The following PTGDR variants were observed in gnomAD, a reference collection of about 807,000 sequenced individuals.
PTGDR encodes PGD2 receptor.
Under a neutral mutation model 17.4 loss-of-function variants are expected in PTGDR, and 19 were observed. The observed-to-expected ratio is 1.09, with a 90% CI of 0.76 to 1.60. The LOEUF (loss-of-function observed/expected upper bound fraction) is 1.60. Among genes scored for constraint, PTGDR ranks in the 40% most tolerant of loss-of-function variants. The pLI is 0.00. For missense variants in PTGDR, 526 were observed against 481.9 expected (o/e 1.09, Z -0.86); for synonymous variants, 267 against 224.2 (o/e 1.19, Z -1.71).
chr14:52,269,663 G>A, intron 1 of PTGDR: 1 of 826,580 alleles, frequency 1.2e-6, no homozygotes, highest in Non-Finnish European at 1.8e-6. Flanking sequence ...AGCCATTTTG[G>A]ATATTACTTT....
chr14:52,277,638 G>A (rs1256716073), downstream of PTGDR, among the ~76,000 whole-genome samples: 1 of 152,134 alleles, frequency 6.6e-6, no homozygotes, highest in African/African-American at 2.4e-5. Flanking sequence ...TGTTGTTCCA[G>A]TAATTCCACT....
intron 1 of PTGDR, among the ~76,000 whole-genome samples, chr14:52,270,496 CTG>C (rs2033304822): frequency 1.3e-5 from 2 of 152,124 alleles, no homozygotes; most frequent in Admixed American, 6.5e-5. Flanking sequence ...TGAGCCAAGA[CTG>C]TGTCACTGCA....
downstream of PTGDR, among the ~76,000 whole-genome samples, chr14:52,277,493 C>A (rs529623410): frequency 1.9e-4 from 29 of 152,208 alleles, 1 homozygote; most frequent in Middle Eastern, 6.8e-3. Context: ...ACAACAACAA[C>A]AAAAAACCTA....
At chr14:52,278,530 T>G (rs2033455950), downstream of PTGDR, among the ~76,000 whole-genome samples, 1 of 152,086 alleles carries the variant, frequency 6.6e-6, no homozygotes, top group African/African-American at 2.4e-5. Flanking sequence ...GACGAGTTAA[T>G]GGGTGCAGCA....
In PTGDR at chr14:52,275,039, A is replaced by G. The variant is rs1229172534; in HGVS notation, c.*75A>G. On this transcript the variant is annotated 3_prime_UTR_variant, in exon 2 of 2. Coordinates refer to ENST00000306051, the MANE Select transcript of PTGDR (RefSeq NM_000953.3). ...CAAAGAACCATGATTAAAAAAAAAA[A>G]GACAACTTACAATTTAAATCCTTAA... is the stretch of plus-strand genomic sequence containing the variant. The G allele has an allele frequency of 8.6e-7, 1 of 1,157,084 alleles. No homozygotes were observed. The highest frequency in any genetic ancestry group is 1.2e-6 in the Non-Finnish European group (1 of 824,868). The allele number at this position is 1,157,084 out of a possible 1,614,324, so 71.7% of individuals were successfully genotyped here.
chr14:52,267,797 C>T lies in PTGDR; in HGVS notation c.-18C>T, dbSNP rs1266237898. ...GCCCTTCCGCAGCCTTCACTCCAGC[C>T]CTCTGCTCCCGCACGCCATGAAGTC... On this transcript the variant is annotated 5_prime_UTR_variant, in exon 1 of 2. Coordinates refer to ENST00000306051, the MANE Select transcript of PTGDR (RefSeq NM_000953.3). The T allele has an allele frequency of 1.9e-6, 3 of 1,540,958 alleles. No individual in the cohort carries two copies. The highest frequency in any genetic ancestry group is 2.6e-6 in the Non-Finnish European group (3 of 1,143,740).
chr14:52,267,963 C>G lies in PTGDR; in HGVS notation c.149C>G (p.Ser50Trp). 2 of 1,609,358 alleles carry G rather than the reference C, an allele frequency of 1.2e-6. No homozygotes were observed. Among genetic ancestry groups the G allele is most frequent in the Non-Finnish European group, 1.7e-6 (2 of 1,179,672 alleles). The change falls in exon 1 of 2, where the codon TCG becomes TGG. Residue 50 changes from serine to tryptophan, a missense_variant. Transcript: ENST00000306051. The part of the protein sequence containing the change: ...LLARSGLGWC[S>W]RRPLRPLPSV... ...GCGCGCTCGGGGCTGGGGTGGTGCT[C>G]GCGGCGTCCACTGCGCCCGCTGCCC... is the stretch of plus-strand genomic sequence containing the variant.
intron 1 of PTGDR, chr14:52,269,586 A>G: frequency 1.4e-6 from 2 of 1,421,632 alleles, no homozygotes; most frequent in South Asian, 1.3e-5. Context: ...TCCATTGCCA[A>G]TCCCACGTTC....
At position 52,275,766 on chromosome 14, in the gene PTGDR, A is replaced by G. The variant is rs200473531; in HGVS notation, c.*802A>G. On this transcript the variant is annotated 3_prime_UTR_variant, in exon 2 of 2. Transcript: ENST00000306051. ...TCAGTTTTTAGAACCTCCATTTTAT[A>G]AAAGAATTATCCTATCAATGGATTC... is the stretch of plus-strand genomic sequence containing the variant. 42 of 152,776 alleles carry G rather than the reference A, an allele frequency of 2.7e-4. No individual in the cohort carries two copies. Among genetic ancestry groups the G allele is most frequent in the African/African-American group, 8.4e-4 (35 of 41,572 alleles). 9.5% of individuals were successfully genotyped at this position (152,776 alleles called of 1,614,324 possible).
chr14:52,274,771 A>C lies in PTGDR; in HGVS notation c.887A>C (p.Lys296Thr), dbSNP rs2033388620. Residue 296 changes from lysine to threonine, a missense_variant, in exon 2 of 2, where the codon AAA becomes ACA. By Grantham distance (78) the Lys-to-Thr change is moderately conservative. Transcript: ENST00000306051. The part of the protein sequence containing the change: ...YYGAFKDVKE[K>T]NRTSEEAEDL... ...GGAGCATTTAAGGATGTCAAGGAGA[A>C]AAACAGGACCTCTGAAGAAGCAGAA... is the stretch of plus-strand genomic sequence containing the variant. 16 of 1,613,766 alleles carry C rather than the reference A, an allele frequency of 9.9e-6. No individual in the cohort carries two copies. Among genetic ancestry groups the C allele is most frequent in the Non-Finnish European group, 1.3e-5 (15 of 1,179,614 alleles).
At position 52,268,346 on chromosome 14, in the gene PTGDR, T is replaced by TA; in HGVS notation, c.532_533insA (p.Cys178Ter). 1 of 1,613,558 alleles carries TA rather than the reference T, an allele frequency of 6.2e-7. No homozygotes were observed. Among genetic ancestry groups the TA allele is most frequent in the African/African-American group, 1.3e-5 (1 of 75,070 alleles). Residue 178 changes from cysteine to a stop codon, truncating the protein, a stop_gained and frameshift_variant, in exon 1 of 2, where the codon TGC (cysteine) becomes TAGC (stop). Coordinates refer to ENST00000306051, the MANE Select transcript of PTGDR (RefSeq NM_000953.3). LOFTEE classifies it high-confidence loss of function. ...GGGCTTCGGGAAGTTCGTGCAGTAC[T>TA]GCCCCGGCACCTGGTGCTTTATCCA... ...FMGFGKFVQY[C>*]PGTWCFIQMV...
intron 1 of PTGDR, among the ~76,000 whole-genome samples, chr14:52,274,370 G>T (rs1425607191): frequency 6.6e-6 from 1 of 152,212 alleles, no homozygotes; most frequent in Non-Finnish European, 1.5e-5. Flanking sequence ...GCTAGAAAGA[G>T]ATTCTGTATT....
intron 1 of PTGDR, chr14:52,269,656 C>T (rs116911970): frequency 5.7e-6 from 5 of 870,978 alleles, no homozygotes; most frequent in East Asian, 2.7e-5. Flanking sequence ...AGAATGTAGC[C>T]ATTTTGGATA....
At chr14:52,271,053 TTCA>T (rs1406789545) in intron 1 of PTGDR, among the ~76,000 whole-genome samples, 5 of 152,248 alleles carry the variant, frequency 3.3e-5, no homozygotes, top group African/African-American at 1.2e-4. Flanking sequence ...TGAATCAGGC[TTCA>T]TCACTTACTA....
chr14:52,270,139 T>C (rs191550144), intron 1 of PTGDR, among the ~76,000 whole-genome samples: 1 of 152,302 alleles, frequency 6.6e-6, no homozygotes, highest in Admixed American at 6.5e-5. Context: ...ATCTCTGCAA[T>C]CAATTTGATG....
chr14:52,275,039 AG>A lies in PTGDR; in HGVS notation c.*76del. 2.6e-6 allele frequency: 3 copies of A among 1,157,200 alleles called. No homozygotes were observed. The highest frequency in any genetic ancestry group is 3.6e-6 in the Non-Finnish European group (3 of 824,860). 71.7% of individuals were successfully genotyped at this position (1,157,200 alleles called of 1,614,324 possible). A position where few individuals can be genotyped will look rare whatever the true frequency, so the allele number is the denominator to read the frequency against. ...CAAAGAACCATGATTAAAAAAAAAAAGACAACTTACAATTTAAATCCTTAAA... is the reference window on the plus strand; with the variant it reads ...CAAAGAACCATGATTAAAAAAAAAAAACAACTTACAATTTAAATCCTTAAA... On this transcript the variant is annotated 3_prime_UTR_variant, in exon 2 of 2. Coordinates refer to ENST00000306051, the MANE Select transcript of PTGDR (RefSeq NM_000953.3).
intron 1 of PTGDR, among the ~76,000 whole-genome samples, chr14:52,272,685 C>G (rs1044353295): frequency 6.6e-6 from 1 of 152,150 alleles, no homozygotes; most frequent in Non-Finnish European, 1.5e-5. Context: ...TGCTCTATCC[C>G]TTTAAATCTA....
chr14:52,279,390 C>A (rs371619839), downstream of PTGDR, among the ~76,000 whole-genome samples: 4 of 152,254 alleles, frequency 2.6e-5, no homozygotes, highest in African/African-American at 9.6e-5. Context: ...AATAGCAACT[C>A]GTACATGATG....
chr14:52,267,861 A>C lies in PTGDR; in HGVS notation c.47A>C (p.Lys16Thr). The C allele has an allele frequency of 6.3e-7, 1 of 1,598,552 alleles. No homozygotes were observed. Among genetic ancestry groups the C allele is most frequent in the Non-Finnish European group, 8.5e-7 (1 of 1,171,624 alleles). ...TGCCAGAACACCACCTCTGTGGAAAAAGGCAACTCGGCGGTGATGGGCGGG... is the reference window on the plus strand; with the variant it reads ...TGCCAGAACACCACCTCTGTGGAAACAGGCAACTCGGCGGTGATGGGCGGG... ...YRCQNTTSVEKGNSAVMGGVL... is the reference protein window; with the variant it reads ...YRCQNTTSVETGNSAVMGGVL... Residue 16 changes from lysine (K) to threonine (T), a missense_variant, in exon 1 of 2, where the codon AAA becomes ACA. Coordinates refer to ENST00000306051, the MANE Select transcript of PTGDR (RefSeq NM_000953.3).
Sources: allele counts gnomAD v4.1 joint callset (sites outside exome capture counted in the v4.1 genomes callset), GRCh38; gene constraint gnomAD v4.1.1; transcripts MANE v1.5; gene names NCBI Gene and HGNC (gene_info 2026-07-23, HGNC 2026-07-21).